Variants in NXPE2 observed in about 807,000 individuals in gnomAD.
NXPE2 encodes the protein NXPE family member 2.
NXPE2 carries 34 observed loss-of-function variants against 34.4 expected under a neutral mutation model. The ratio of observed to expected loss-of-function variants is 0.99; its 90% CI spans 0.75 to 1.31. The LOEUF (loss-of-function observed/expected upper bound fraction) is 1.31. Among genes scored for constraint, NXPE2 ranks in the 40% most tolerant of loss-of-function variants. The probability of loss-of-function intolerance (pLI) is 0.00; values close to 1 mark genes in which losing one functional copy is unlikely to be tolerated. For missense variants in NXPE2, 649 were observed against 672.5 expected (o/e 0.97, Z 0.39); for synonymous variants, 235 against 231.3 (o/e 1.02, Z -0.15).
At chr11:114,645,301 G>T in the NXPE2 span, among the ~76,000 whole-genome samples, 2 of 151,742 alleles carry the variant, frequency 1.3e-5, no homozygotes, top group South Asian at 4.2e-4. Context: ...ACTCCATCTC[G>T]AAAATAAATA....
At chr11:114,582,734 T>G in the NXPE2 span, 4 of 1,614,004 alleles carry the variant, frequency 2.5e-6, no homozygotes, top group Non-Finnish European at 3.4e-6. Context: ...GCTTCCTGCG[T>G]CCCAAGTGGT....
the NXPE2 span, among the ~76,000 whole-genome samples, chr11:114,663,458 T>C: frequency 6.6e-6 from 1 of 152,048 alleles, no homozygotes; most frequent in African/African-American, 2.4e-5. Flanking sequence ...TAGAAGGACA[T>C]GGTGGTGTCT....
the NXPE2 span, among the ~76,000 whole-genome samples, chr11:114,808,022 A>G: frequency 6.6e-6 from 1 of 152,230 alleles, no homozygotes; most frequent in African/African-American, 2.4e-5. Context: ...TCAAACTAGA[A>G]CCCAGGATTA....
chr11:114,669,464 G>A, the NXPE2 span, among the ~76,000 whole-genome samples: 1 of 152,020 alleles, frequency 6.6e-6, no homozygotes, highest in Non-Finnish European at 1.5e-5. Context: ...ATTCCTTCCA[G>A]TTGTGTGTTG....
chr11:114,652,473 G>A, the NXPE2 span, among the ~76,000 whole-genome samples: 1 of 152,108 alleles, frequency 6.6e-6, no homozygotes, highest in African/African-American at 2.4e-5. Context: ...AGCTTTTAGG[G>A]TCACACAATT....
chr11:114,663,677 T>TCTA, the NXPE2 span, among the ~76,000 whole-genome samples: 9 of 132,168 alleles, frequency 6.8e-5, no homozygotes, highest in Non-Finnish European at 4.7e-5. Context: ...CATCTATCTA[T>TCTA]TTATCTATCT....
chr11:114,744,699 A>G, the NXPE2 span, among the ~76,000 whole-genome samples: 3 of 152,050 alleles, frequency 2.0e-5, no homozygotes, highest in Admixed American at 6.6e-5. Context: ...AATCCTTGCT[A>G]CTCAGGTGCC....
the NXPE2 span, among the ~76,000 whole-genome samples, chr11:114,503,300 G>A: frequency 1.3e-5 from 2 of 152,198 alleles, no homozygotes; most frequent in South Asian, 2.1e-4. Flanking sequence ...AGGATTTCAG[G>A]TATTTGATAA....
the NXPE2 span, among the ~76,000 whole-genome samples, chr11:114,624,816 G>A: frequency 1.6e-3 from 239 of 152,274 alleles, 1 homozygote; most frequent in Admixed American, 3.9e-3. Flanking sequence ...AGTAAGTATT[G>A]CCTTGTGGGT....
the NXPE2 span, among the ~76,000 whole-genome samples, chr11:114,609,118 A>T: frequency 6.6e-6 from 1 of 152,004 alleles, no homozygotes; most frequent in South Asian, 2.1e-4. Context: ...AGCTACTGTT[A>T]CCCGGTGGAT....
At chr11:114,638,578 T>C in the NXPE2 span, among the ~76,000 whole-genome samples, 1 of 152,190 alleles carries the variant, frequency 6.6e-6, no homozygotes, top group Non-Finnish European at 1.5e-5. Flanking sequence ...GCTCTGTTTT[T>C]TCCCCATCTT....
chr11:114,730,831 G>A, the NXPE2 span, among the ~76,000 whole-genome samples: 3 of 152,094 alleles, frequency 2.0e-5, no homozygotes, highest in Non-Finnish European at 4.4e-5. Flanking sequence ...ATAGAATTAT[G>A]TCATCAGCAA....
the NXPE2 span, chr11:114,580,081 G>C: frequency 6.9e-7 from 1 of 1,453,134 alleles, no homozygotes; most frequent in East Asian, 2.3e-5. Flanking sequence ...CTTTGAAATG[G>C]AAAAGAAGTT....
At chr11:114,661,370 T>G in the NXPE2 span, among the ~76,000 whole-genome samples, 1 of 152,168 alleles carries the variant, frequency 6.6e-6, no homozygotes, top group African/African-American at 2.4e-5. Context: ...GACAGAACAC[T>G]TGTACCACAA....
chr11:114,560,942 G>T, the NXPE2 span, among the ~76,000 whole-genome samples: 1 of 152,088 alleles, frequency 6.6e-6, no homozygotes, highest in Non-Finnish European at 1.5e-5. Flanking sequence ...TCTTTTTGTG[G>T]CTTGATAGCT....
the NXPE2 span, among the ~76,000 whole-genome samples, chr11:114,536,199 A>G: frequency 6.6e-6 from 1 of 152,248 alleles, no homozygotes. Flanking sequence ...ACATAATGAA[A>G]TGAAGGCAGA....
chr11:114,675,728 T>A (rs1393783890), upstream of NXPE2, among the ~76,000 whole-genome samples: 3 of 151,936 alleles, frequency 2.0e-5, no homozygotes, highest in Non-Finnish European at 4.4e-5. Context: ...ATGGACTTTC[T>A]AACAGAAATA....
At chr11:114,634,993 C>A in the NXPE2 span, among the ~76,000 whole-genome samples, 1 of 151,988 alleles carries the variant, frequency 6.6e-6, no homozygotes, top group Non-Finnish European at 1.5e-5. Context: ...TTTTCCAATT[C>A]TGTGAAGAAA....
the NXPE2 span, chr11:114,530,179 G>A: frequency 6.2e-7 from 1 of 1,601,060 alleles, no homozygotes; most frequent in Non-Finnish European, 8.5e-7. Flanking sequence ...ACTCACCTGT[G>A]GAAAAGGCTG....
Sources: allele counts gnomAD v4.1 joint callset (sites outside exome capture counted in the v4.1 genomes callset), GRCh38; gene constraint gnomAD v4.1.1; transcripts MANE v1.5; gene names NCBI Gene and HGNC (gene_info 2026-07-23, HGNC 2026-07-21).